The following CFAP61 variants were observed in gnomAD, a reference collection of about 807,000 sequenced individuals.
CFAP61 encodes the protein cilia and flagella associated protein 61.
Under a neutral mutation model 135.6 loss-of-function variants are expected in CFAP61, and 107 were observed. The ratio of observed to expected loss-of-function variants is 0.79; its 90% CI spans 0.67 to 0.93. The LOEUF (loss-of-function observed/expected upper bound fraction) is 0.93, where lower values mean the gene tolerates loss of function less well. CFAP61 is among the 40% of genes least tolerant of loss of function. CFAP61 has a pLI of 0.00. For synonymous variants in CFAP61, 575 were observed against 578.5 expected (o/e 0.99, Z 0.09); for missense variants, 1,507 against 1,556.2 (o/e 0.97, Z 0.53).
At chr20:20,171,591 G>A (rs372207577) in intron 13 of CFAP61, among the ~76,000 whole-genome samples, 5 of 152,218 alleles carry the variant, frequency 3.3e-5, no homozygotes, top group South Asian at 4.1e-4. Context: ...TGTTGTTGCC[G>A]ATGTCTCAAA....
Position 20,359,341 on chromosome 20 carries a change from C to T in CFAP61, c.3514-869C>T, listed in dbSNP as rs984323165. 1.4e-5 allele frequency among the ~76,000 whole-genome samples: 2 copies of T among 140,164 alleles called. No homozygotes were observed. Among genetic ancestry groups the T allele is most frequent in the African/African-American group, 4.9e-5 (2 of 40,514 alleles). 92.0% of individuals were successfully genotyped at this position (140,164 alleles called of 152,430 possible). On this transcript the variant is annotated intron_variant, in intron 26 of 26. Coordinates refer to ENST00000245957, the MANE Select transcript of CFAP61 (RefSeq NM_015585.4). This position sits in a 1 kb window ranked among gnomAD's most constrained non-coding sequence, Gnocchi z 4.0. ...CCTTTCAAGTAAAAAGGTTTAATCA[C>T]TCCTTTTTTTTATTTTTAAATTTTT...
intron 1 of CFAP61, 146 bp from the exon 2 acceptor site, chr20:20,056,472 G>C: frequency 1.6e-6 from 1 of 608,900 alleles, no homozygotes; most frequent in East Asian, 2.8e-5. Flanking sequence ...CTGGTTTGCA[G>C]TGACAGTTGT....
At chr20:20,144,086 A>G (rs953087695) in intron 9 of CFAP61, among the ~76,000 whole-genome samples, 6 of 152,234 alleles carry the variant, frequency 3.9e-5, no homozygotes, top group African/African-American at 1.4e-4. Context: ...TAAAGCAAGA[A>G]CTAAAAGAAT....
chr20:20,140,607 C>T (rs1406346833), intron 8 of CFAP61, among the ~76,000 whole-genome samples: 4 of 152,168 alleles, frequency 2.6e-5, no homozygotes, highest in African/African-American at 9.7e-5. Flanking sequence ...CACTTTTACA[C>T]TGTTGATGGG....
At chr20:20,227,599 C>G (rs998800280) in intron 17 of CFAP61, among the ~76,000 whole-genome samples, 2 of 152,198 alleles carry the variant, frequency 1.3e-5, no homozygotes, top group Admixed American at 6.5e-5. Flanking sequence ...TAAACATGGA[C>G]ATTAACATGA....
chr20:20,296,620 A>G (rs1197566445), intron 24 of CFAP61, among the ~76,000 whole-genome samples: 7 of 152,084 alleles, frequency 4.6e-5, no homozygotes, highest in South Asian at 4.1e-4. Flanking sequence ...AGAAGTAATG[A>G]TCATTTTTTA....
At chr20:20,297,796 A>G (rs143614310) in intron 24 of CFAP61, among the ~76,000 whole-genome samples, 40 of 152,338 alleles carry the variant, frequency 2.6e-4, no homozygotes, top group Admixed American at 7.8e-4. Context: ...AGTTTTGACT[A>G]GGAGGTTTTT....
chr20:20,292,301 A>G (rs2055046787), intron 24 of CFAP61, among the ~76,000 whole-genome samples: 1 of 152,230 alleles, frequency 6.6e-6, no homozygotes, highest in South Asian at 2.1e-4. Flanking sequence ...CTTCCAGGAA[A>G]AGGGTAGATG....
intron 20 of CFAP61, among the ~76,000 whole-genome samples, chr20:20,258,232 A>C (rs1326483188): frequency 6.6e-6 from 1 of 152,246 alleles, no homozygotes; most frequent in African/African-American, 2.4e-5. Context: ...GGCAAATTTC[A>C]CACAGCTATT....
chr20:20,100,096 T>G (rs1016505030), intron 8 of CFAP61, among the ~76,000 whole-genome samples: 2 of 152,088 alleles, frequency 1.3e-5, no homozygotes, highest in East Asian at 1.9e-4. Context: ...AACTTATCAG[T>G]GTGAGACAGT....
At chr20:20,063,833 A>G (rs868089058) in intron 2 of CFAP61, among the ~76,000 whole-genome samples, 1 of 152,242 alleles carries the variant, frequency 6.6e-6, no homozygotes, top group Admixed American at 6.5e-5. Context: ...ATAGAAGTTC[A>G]AAATTGCTGG....
intron 22 of CFAP61, among the ~76,000 whole-genome samples, chr20:20,284,123 G>A (rs2054396554): frequency 6.6e-6 from 1 of 152,058 alleles, no homozygotes; most frequent in Non-Finnish European, 1.5e-5. Context: ...TACTGATATG[G>A]TTAGATTTAG....
At chr20:20,309,844 A>C (rs551480961) in intron 25 of CFAP61, among the ~76,000 whole-genome samples, 84 of 151,332 alleles carry the variant, frequency 5.6e-4, no homozygotes, top group African/African-American at 1.9e-3. Context: ...TTAAAAAAAA[A>C]ACAGAAATCA....
chr20:20,100,321 C>T (rs1046843650), intron 8 of CFAP61, among the ~76,000 whole-genome samples: 9 of 151,732 alleles, frequency 5.9e-5, no homozygotes, highest in African/African-American at 9.7e-5. Context: ...TACAGGTGTG[C>T]GCCACCACGC....
intron 21 of CFAP61, among the ~76,000 whole-genome samples, chr20:20,266,207 A>T (rs2052731108): frequency 6.6e-6 from 1 of 152,076 alleles, no homozygotes; most frequent in South Asian, 2.1e-4. Flanking sequence ...TCACCTTGTG[A>T]CCTCTATTTC....
At chr20:20,157,097 T>C (rs927037978) in intron 9 of CFAP61, among the ~76,000 whole-genome samples, 12 of 152,088 alleles carry the variant, frequency 7.9e-5, no homozygotes, top group African/African-American at 2.4e-4. Flanking sequence ...ATTCTTTTTT[T>C]TCTCTCTCTC....
chr20:20,173,634 G>C (rs1429173137), intron 13 of CFAP61, among the ~76,000 whole-genome samples: 3 of 152,208 alleles, frequency 2.0e-5, no homozygotes, highest in African/African-American at 7.2e-5. Context: ...TTAAAAATCA[G>C]TGGGTGTGCA....
chr20:20,094,941 C>G (rs969027662), intron 7 of CFAP61, among the ~76,000 whole-genome samples: 8 of 152,304 alleles, frequency 5.3e-5, no homozygotes, highest in African/African-American at 1.9e-4. Flanking sequence ...AGCCAGCTTG[C>G]TCTGGCTCTC....
chr20:20,137,327 C>A lies in CFAP61; in HGVS notation c.860-5530C>A, dbSNP rs573827605. 3.9e-4 allele frequency among the ~76,000 whole-genome samples: 60 copies of A among 152,354 alleles called. No individual in the cohort carries two copies. In the South Asian group the frequency reaches 0.011, roughly 28 times the overall value. ...AAGCCATCCAGGCCTATGTCCTTCC[C>A]TTAAGGGCAACAAGTTCCCCTGGCC... On this transcript the variant is annotated intron_variant, in intron 8 of 26. Transcript: ENST00000245957.
Sources: allele counts gnomAD v4.1 joint callset (sites outside exome capture counted in the v4.1 genomes callset), GRCh38; gene constraint gnomAD v4.1.1; non-coding constraint Gnocchi (gnomAD v3.1); transcripts MANE v1.5; gene names NCBI Gene and HGNC (gene_info 2026-07-23, HGNC 2026-07-21).